Variants in CLASP2 observed in about 807,000 individuals in gnomAD.
CLASP2 encodes cytoplasmic linker associated protein 2, also known as CLIP-associating protein 2.
Under a neutral mutation model 194.4 loss-of-function variants are expected in CLASP2, and 47 were observed. The observed-to-expected ratio is 0.24, with a 90% CI of 0.19 to 0.31. The LOEUF is 0.31. Ranked by LOEUF, CLASP2 falls within the 10% of genes least tolerant of loss-of-function variation. The pLI, the probability that CLASP2 is intolerant of heterozygous loss-of-function variation, is 1.00. For synonymous variants in CLASP2, 619 were observed against 633.5 expected, an observed-to-expected ratio of 0.98 and a Z score of 0.34; for missense variants, 1,445 against 1,823.6, an observed-to-expected ratio of 0.79 and a Z score of 3.78.
At chr3:33,586,952 G>A (rs1243028424) in intron 21 of CLASP2, among the ~76,000 whole-genome samples, 1 of 152,098 alleles carries the variant, frequency 6.6e-6, no homozygotes, top group East Asian at 1.9e-4. Flanking sequence ...AGTGAGAGGT[G>A]ACTTTTTAGT....
chr3:33,639,104 C>T (rs1319723136), intron 8 of CLASP2, among the ~76,000 whole-genome samples: 1 of 152,164 alleles, frequency 6.6e-6, no homozygotes, highest in African/African-American at 2.4e-5. Context: ...GTCACATGGG[C>T]TGGAGCGCAG....
At chr3:33,578,168 A>G (rs2065288719) in intron 23 of CLASP2, among the ~76,000 whole-genome samples, 1 of 152,192 alleles carries the variant, frequency 6.6e-6, no homozygotes, top group Admixed American at 6.5e-5. Context: ...TGAAAAGTCA[A>G]TACACCTCAT....
chr3:33,683,844 A>T (rs1250902387), intron 6 of CLASP2, among the ~76,000 whole-genome samples: 1 of 148,520 alleles, frequency 6.7e-6, no homozygotes, highest in Non-Finnish European at 1.5e-5. Context: ...GGAGGCTGAG[A>T]TAGGGGAATC....
At chr3:33,542,495 A>G (rs893493330) in intron 32 of CLASP2, among the ~76,000 whole-genome samples, 2 of 149,634 alleles carry the variant, frequency 1.3e-5, no homozygotes, top group African/African-American at 4.9e-5. Context: ...GGTTAATTAT[A>G]TAAAAATGTA....
chr3:33,569,929 G>A (rs2063436806), intron 26 of CLASP2, among the ~76,000 whole-genome samples: 1 of 152,014 alleles, frequency 6.6e-6, no homozygotes, highest in African/African-American at 2.4e-5. Context: ...CAACAATAAA[G>A]TGAAGACAAT....
At chr3:33,589,471 G>A (rs1382786565) in intron 21 of CLASP2, among the ~76,000 whole-genome samples, 1 of 152,010 alleles carries the variant, frequency 6.6e-6, no homozygotes, top group Non-Finnish European at 1.5e-5. Flanking sequence ...ATATTTCTGT[G>A]CAAATATATT....
At chr3:33,663,564 G>A in intron 6 of CLASP2, 49 bp from the exon 7 acceptor site, 3 of 1,282,262 alleles carry the variant, frequency 2.3e-6, no homozygotes, top group Non-Finnish European at 3.4e-6. Context: ...AAAACATATA[G>A]ATTAAATAGA....
chr3:33,663,975 T>G (rs76602755), intron 6 of CLASP2, among the ~76,000 whole-genome samples: 1 of 152,292 alleles, frequency 6.6e-6, no homozygotes, highest in East Asian at 1.9e-4. Context: ...GATAATCTGA[T>G]GCTATCCCTG....
chr3:33,562,206 C>T (rs748883069), intron 27 of CLASP2, among the ~76,000 whole-genome samples: 3 of 152,198 alleles, frequency 2.0e-5, no homozygotes, highest in Non-Finnish European at 4.4e-5. Flanking sequence ...CTCTGGTCCC[C>T]AGACAGTGTG....
chr3:33,688,367 T>C lies in CLASP2; in HGVS notation c.380A>G (p.Tyr127Cys). ...KLMDQVAPPM[Y>C]IWEQLASGFK... ...ACCAGAAGCCAACTGCTCCCAAATG[T>C]ACTATTTGAAAGAAAAGTAAAAACG... The change falls in exon 4 of 39, where the codon TAC becomes TGC. Residue 127 changes from tyrosine (Y) to cysteine (C), a missense_variant and splice_region_variant. This residue lies in a region of CLASP2 where 332 missense variants were observed against 325.3 expected (regional missense o/e 1.02). Transcript: ENST00000682230. 6.4e-7 allele frequency: 1 copy of C among 1,574,236 alleles called. No individual in the cohort carries two copies. Among genetic ancestry groups the C allele is most frequent in the Non-Finnish European group, 8.6e-7 (1 of 1,159,696 alleles).
At chr3:33,698,107 T>C (rs2092087993) in intron 1 of CLASP2, among the ~76,000 whole-genome samples, 1 of 152,146 alleles carries the variant, frequency 6.6e-6, no homozygotes. Context: ...GGTACAGTCC[T>C]GGGGGAAGGA....
intron 15 of CLASP2, 45 bp downstream of exon 15, chr3:33,607,339 T>TA: frequency 1.5e-6 from 2 of 1,336,954 alleles, no homozygotes; most frequent in Admixed American, 5.1e-5. Flanking sequence ...ACATTTTTTT[T>TA]TAAAAAAGAT....
At chr3:33,673,969 C>T (rs949339723) in intron 6 of CLASP2, among the ~76,000 whole-genome samples, 2 of 152,144 alleles carry the variant, frequency 1.3e-5, no homozygotes, top group African/African-American at 4.8e-5. Flanking sequence ...TACAAAGAGA[C>T]TTAGACTCCC....
intron 38 of CLASP2, 40 bp from the exon 39 acceptor site, chr3:33,498,757 G>T: frequency 7.5e-7 from 1 of 1,327,654 alleles, no homozygotes; most frequent in Non-Finnish European, 1.1e-6. Flanking sequence ...TGAGCAAGCT[G>T]CTCCAAATTA....
At chr3:33,519,973 G>A (rs996324586) in intron 34 of CLASP2, among the ~76,000 whole-genome samples, 2 of 152,122 alleles carry the variant, frequency 1.3e-5, no homozygotes, top group African/African-American at 4.8e-5. Context: ...CTGATAAACT[G>A]TCATAATTTT....
chr3:33,608,724 T>C, intron 13 of CLASP2, 98 bp from the exon 14 acceptor site: 1 of 395,690 alleles, frequency 2.5e-6, no homozygotes, highest in South Asian at 2.8e-5. Context: ...AATTAAAGCA[T>C]AAGACATGTT....
At position 33,505,643 on chromosome 3, in the gene CLASP2, G is replaced by A. The variant is rs1012638074; in HGVS notation, c.4318-3875C>T. Reference sequence around the variant, plus strand: ...AAAATCATTAGGTGAAAAGATGATGGGGCAAGGTATATAATGGAGGGATTA... The same window carrying A: ...AAAATCATTAGGTGAAAAGATGATGAGGCAAGGTATATAATGGAGGGATTA... On this transcript the variant is annotated intron_variant, in intron 37 of 38. Transcript: ENST00000682230. Among the ~76,000 whole-genome samples, 3 of 152,130 alleles carry A rather than the reference G, an allele frequency of 2.0e-5. No individual in the cohort carries two copies. In the East Asian group the frequency reaches 5.8e-4, roughly 29 times the overall value.
rs2067993175 is a variant in CLASP2 at position 33,588,759 on chromosome 3, G to A, written c.2068+3636C>T. On this transcript the variant is annotated intron_variant, in intron 21 of 38. Coordinates refer to ENST00000682230, the MANE Select transcript of CLASP2 (RefSeq NM_001365631.1). ...GAACAAGTGTAAAGGCAGAATTAGGGTAAGGATTATAATCCATGAAGAGGG... is the reference window on the plus strand; with the variant it reads ...GAACAAGTGTAAAGGCAGAATTAGGATAAGGATTATAATCCATGAAGAGGG... The A allele has an allele frequency of 7.1e-6, 5 of 701,934 alleles. No homozygotes were observed. In the African/African-American group the frequency reaches 8.7e-5, roughly 12 times the overall value. The allele number at this position is 701,934 out of a possible 1,614,324, so 43.5% of individuals were successfully genotyped here.
chr3:33,634,686 C>A (rs1429116681), intron 8 of CLASP2, among the ~76,000 whole-genome samples: 3 of 152,156 alleles, frequency 2.0e-5, no homozygotes, highest in Non-Finnish European at 4.4e-5. Context: ...TAAGTATTCT[C>A]ACCACTAAAA....
Sources: gnomAD v4.1 joint callset for allele counts (sites outside exome capture counted in the v4.1 genomes callset) on GRCh38, gnomAD v4.1.1 for gene constraint, gnomAD v4.1.1 regional missense constraint, MANE v1.5 for transcripts, NCBI Gene and HGNC (gene_info 2026-07-23, HGNC 2026-07-21) for gene names.